Variants in HYDIN observed in about 807,000 individuals in gnomAD.
HYDIN encodes axonemal central pair apparatus protein HYDIN.
HYDIN carries 132 observed loss-of-function variants against 403.9 expected under a neutral mutation model. The observed-to-expected ratio is 0.33, with a 90% confidence interval of 0.28 to 0.38. The LOEUF (loss-of-function observed/expected upper bound fraction) is 0.38, where lower values mean the gene tolerates loss of function less well. HYDIN is among the 10% of genes least tolerant of loss of function. The probability of loss-of-function intolerance (pLI) is 1.00; values close to 1 mark genes in which losing one functional copy is unlikely to be tolerated. For missense variants in HYDIN, 2,827 were observed against 5,009.5 expected (o/e 0.56, Z 13.15); for synonymous variants, 1,202 against 1,891.7 (o/e 0.64, Z 9.46).
intron 46 of HYDIN, among the ~76,000 whole-genome samples, chr16:70,920,276 T>G (rs963148776): frequency 1.7e-5 from 2 of 117,028 alleles, no homozygotes; most frequent in African/African-American, 6.8e-5. Context: ...TGGATGGGTC[T>G]CCTGCTTCAC....
intron 3 of HYDIN, among the ~76,000 whole-genome samples, chr16:71,182,018 A>G (rs114635684): frequency 2.6e-5 from 4 of 152,306 alleles, no homozygotes; most frequent in African/African-American, 9.6e-5. Flanking sequence ...GTCTGAAGCA[A>G]GTCACACTAA....
At chr16:70,820,118 C>T (rs61023651) in intron 83 of HYDIN, among the ~76,000 whole-genome samples, 20,061 of 147,624 alleles carry the variant, frequency 0.14, 1,194 homozygotes, top group African/African-American at 0.26. Context: ...CCGCGCCTGG[C>T]CTTCACTCCC....
At chr16:70,828,158 C>T (rs28594950) in intron 82 of HYDIN, 108 bp downstream of exon 82, 4,762 of 458,324 alleles carry the variant, frequency 0.01, 129 homozygotes, top group African/African-American at 0.081. Flanking sequence ...TCTAACTCCT[C>T]GAGCCCCTCA....
intron 13 of HYDIN, among the ~76,000 whole-genome samples, chr16:71,071,491 A>G (rs2082467370): frequency 6.6e-6 from 1 of 151,146 alleles, no homozygotes; most frequent in Admixed American, 6.6e-5. Flanking sequence ...TAGTAGATAA[A>G]AAGTCAATAT....
chr16:70,807,819 T>G lies in HYDIN; in HGVS notation c.15127A>C (p.Lys5043Gln). 6.2e-7 allele frequency: 1 copy of G among 1,614,128 alleles called. No individual in the cohort carries two copies. The highest frequency in any genetic ancestry group is 8.5e-7 in the Non-Finnish European group (1 of 1,180,030). ...GTCACCATGTGATAGAAGACATTCT[T>G]GAAGGGGATGATTATGCTGTACCCG... ...RAGYSIIIPF[K>Q]NVFYHMVTFS... The change falls in exon 86 of 86, where the codon AAG (lysine) becomes CAG (glutamine). Residue 5043 changes from lysine to glutamine, a missense_variant. Coordinates refer to ENST00000393567, the MANE Select transcript of HYDIN (RefSeq NM_001270974.2).
intron 23 of HYDIN, among the ~76,000 whole-genome samples, chr16:70,997,785 C>T (rs375081552): frequency 3.4e-3 from 498 of 146,988 alleles, no homozygotes; most frequent in African/African-American, 0.013. Flanking sequence ...TCAAGCCTAA[C>T]ATTTGTTGAA....
At chr16:71,043,922 A>G (rs2081368039) in intron 18 of HYDIN, among the ~76,000 whole-genome samples, 1 of 145,708 alleles carries the variant, frequency 6.9e-6, no homozygotes, top group East Asian at 2.0e-4. Flanking sequence ...GACCTCATCT[A>G]AAAAAAAAAG....
intron 1 of HYDIN, among the ~76,000 whole-genome samples, chr16:71,227,504 T>G (rs1054028852): frequency 1.2e-4 from 19 of 152,098 alleles, no homozygotes; most frequent in African/African-American, 4.3e-4. Flanking sequence ...ATCACAAGCA[T>G]TCTTATACAC....
intron 38 of HYDIN, among the ~76,000 whole-genome samples, chr16:70,960,668 C>T (rs1265379072): frequency 6.6e-6 from 1 of 152,114 alleles, no homozygotes; most frequent in African/African-American, 2.4e-5. Flanking sequence ...TTTCCATTTA[C>T]TTAAATACAG....
At chr16:70,994,795 T>C (rs1322197831) in intron 23 of HYDIN, among the ~76,000 whole-genome samples, 37 of 148,334 alleles carry the variant, frequency 2.5e-4, no homozygotes, top group African/African-American at 9.3e-4. Flanking sequence ...CTAGGGACAG[T>C]GAAAATCAGC....
chr16:71,062,114 A>T lies in HYDIN; in HGVS notation c.2376+55T>A, dbSNP rs557582368. The T allele has an allele frequency of 1.4e-5, 15 of 1,056,058 alleles. No homozygotes were observed. The South Asian group carries it at 2.3e-4, about 16-fold the overall frequency. 65.4% of individuals were successfully genotyped at this position (1,056,058 alleles called of 1,614,324 possible). A position where few individuals can be genotyped will look rare whatever the true frequency, so the allele number is the denominator to read the frequency against. ...TGGGCCTCAAATGAGAAAGCTCAAA[A>T]TGTTTGAGAAGAAGCACAGCAATTT... On this transcript the variant is annotated intron_variant, in intron 17 of 85. Transcript: ENST00000393567.
Position 71,067,319 on chromosome 16 carries a change from T to C in HYDIN, c.2046A>G (p.Glu682=). ...CTGTAATTAAGAGCGCCAGCACCTC[T>C]TCTCCGATGCCCTCCACGTCCACCA... The part of the protein sequence containing the change: ...ALVVDVEGIG[E]EVLALLITAR... The change falls in exon 15 of 86, where the codon GAA becomes GAG. Residue 682 remains glutamate, a synonymous_variant. Coordinates refer to ENST00000393567, the MANE Select transcript of HYDIN (RefSeq NM_001270974.2). 6.2e-7 allele frequency: 1 copy of C among 1,613,152 alleles called. No homozygotes were observed. The highest frequency in any genetic ancestry group is 8.5e-7 in the Non-Finnish European group (1 of 1,179,480).
intron 8 of HYDIN, among the ~76,000 whole-genome samples, chr16:71,136,306 G>T (rs1395968378): frequency 3.7e-5 from 5 of 133,958 alleles, no homozygotes; most frequent in African/African-American, 1.1e-4. Context: ...TATATAGCTT[G>T]CAGGGACTGG....
intron 1 of HYDIN, among the ~76,000 whole-genome samples, chr16:71,212,327 A>T (rs1365064644): frequency 6.6e-6 from 1 of 152,176 alleles, no homozygotes; most frequent in African/African-American, 2.4e-5. Context: ...CTAAGTCATA[A>T]ACTTACTTTC....
intron 41 of HYDIN, among the ~76,000 whole-genome samples, chr16:70,945,540 T>G (rs571705966): frequency 5.9e-5 from 9 of 152,152 alleles, no homozygotes; most frequent in Admixed American, 3.3e-4. Context: ...GTAATGCAAC[T>G]GAGTGAGATC....
chr16:71,004,731 G>C (rs2079840351), intron 23 of HYDIN, among the ~76,000 whole-genome samples: 1 of 152,120 alleles, frequency 6.6e-6, no homozygotes, highest in African/African-American at 2.4e-5. Flanking sequence ...AATTAAGTTA[G>C]TTTTATAAAA....
chr16:71,061,912 G>A (rs796770281), intron 17 of HYDIN, among the ~76,000 whole-genome samples: 4 of 151,312 alleles, frequency 2.6e-5, no homozygotes, highest in African/African-American at 9.8e-5. Context: ...GAGAGAGAGA[G>A]AGAGAAACTC....
intron 1 of HYDIN, among the ~76,000 whole-genome samples, chr16:71,204,653 T>C (rs2088197420): frequency 6.6e-6 from 1 of 152,250 alleles, no homozygotes; most frequent in Admixed American, 6.5e-5. Context: ...TTACATAATG[T>C]AACACTGTAC....
chr16:70,984,324 A>T lies in HYDIN; in HGVS notation c.4332+861T>A, dbSNP rs139708753. On this transcript the variant is annotated intron_variant, in intron 28 of 85. Coordinates refer to ENST00000393567, the MANE Select transcript of HYDIN (RefSeq NM_001270974.2). ...GGAGGATTGCTTGAGCCCAGGAGGC[A>T]GCGGTTGCAGTGAGTTGAGGTCTGC... Among the ~76,000 whole-genome samples, 81 of 151,268 alleles carry T rather than the reference A, an allele frequency of 5.4e-4. No homozygotes were observed. The East Asian group carries it at 0.013, about 25-fold the overall frequency.
Sources: gnomAD v4.1 joint callset for allele counts (sites outside exome capture counted in the v4.1 genomes callset) on GRCh38, gnomAD v4.1.1 for gene constraint, MANE v1.5 for transcripts, NCBI Gene and HGNC (gene_info 2026-07-23, HGNC 2026-07-21) for gene names.